MPP7: variants seen among roughly 807,000 people sequenced by gnomAD.
The protein encoded by MPP7 is MAGUK p55 scaffold protein 7.
A neutral mutation model predicts 76.5 loss-of-function variants in MPP7; 60 were observed. The ratio of observed to expected loss-of-function variants is 0.78; its 90% confidence interval spans 0.64 to 0.97. The LOEUF (loss-of-function observed/expected upper bound fraction) is 0.97, where lower values mean the gene tolerates loss of function less well. Among genes scored for constraint, MPP7 ranks in the 50% least tolerant of loss-of-function variants. MPP7 has a pLI of 0.00. For synonymous variants in MPP7, 237 were observed against 244.5 expected (o/e 0.97, Z 0.29); for missense variants, 641 against 694.0 (o/e 0.92, Z 0.86).
intron 1 of MPP7, among the ~76,000 whole-genome samples, chr10:28,264,366 G>C (rs1178024600): frequency 1.3e-5 from 2 of 152,056 alleles, no homozygotes; most frequent in African/African-American, 4.8e-5. Context: ...ATCAGAGCCA[G>C]GAATGACTGG....
intron 1 of MPP7, among the ~76,000 whole-genome samples, chr10:28,284,864 T>C (rs1840757939): frequency 6.6e-6 from 1 of 152,218 alleles, no homozygotes; most frequent in Non-Finnish European, 1.5e-5. Flanking sequence ...GAATACATCA[T>C]TCTAAAGACA....
At chr10:28,174,251 C>T (rs1400409267) in intron 3 of MPP7, among the ~76,000 whole-genome samples, 2 of 151,692 alleles carry the variant, frequency 1.3e-5, no homozygotes, top group African/African-American at 4.9e-5. Context: ...ATATGGGGAG[C>T]CTTTTGGCCC....
At chr10:28,211,444 CATAT>C (rs59909463) in intron 2 of MPP7, among the ~76,000 whole-genome samples, 67,868 of 149,650 alleles carry the variant, frequency 0.45, 16,925 homozygotes, top group East Asian at 0.97. Context: ...TATTTTTTGC[CATAT>C]ATATATATAT....
At chr10:28,253,994 T>C (rs117107193) in intron 1 of MPP7, among the ~76,000 whole-genome samples, 7,808 of 88,062 alleles carry the variant, frequency 0.089, 225 homozygotes, top group Non-Finnish European at 0.1. Flanking sequence ...AGAGTCTGTC[T>C]CACAAAAAAG....
At chr10:28,206,609 T>C (rs1444420097) in intron 2 of MPP7, among the ~76,000 whole-genome samples, 2 of 152,152 alleles carry the variant, frequency 1.3e-5, no homozygotes, top group Non-Finnish European at 2.9e-5. Flanking sequence ...ATGAAATTGT[T>C]TTATTTAAAT....
intron 2 of MPP7, among the ~76,000 whole-genome samples, chr10:28,231,201 G>A (rs1356459802): frequency 1.3e-5 from 2 of 151,028 alleles, no homozygotes; most frequent in African/African-American, 2.4e-5. Flanking sequence ...AAACTCTTAT[G>A]TGAATATTTT....
At chr10:28,142,877 C>T (rs535447100) in intron 5 of MPP7, among the ~76,000 whole-genome samples, 56 of 152,260 alleles carry the variant, frequency 3.7e-4, no homozygotes, top group Non-Finnish European at 6.3e-4. Context: ...AAACAATGAT[C>T]AAAACTGTAA....
intron 12 of MPP7, among the ~76,000 whole-genome samples, chr10:28,080,968 T>C (rs981268886): frequency 1.3e-5 from 2 of 152,334 alleles, no homozygotes; most frequent in African/African-American, 4.8e-5. Context: ...CTCTGCTTTA[T>C]GTGGGAGGCT....
At chr10:28,174,144 T>C (rs1240714640) in intron 3 of MPP7, among the ~76,000 whole-genome samples, 1 of 152,142 alleles carries the variant, frequency 6.6e-6, no homozygotes, top group Non-Finnish European at 1.5e-5. Context: ...TACCAAGGGC[T>C]AGCAAGAATG....
rs543131061 is a variant in MPP7, at chr10:28,319,276, T to C, written c.-132+10653A>G. ...AGCAAGGGGAAAATCCACCCCATGA[T>C]CCAATCACCTCCCACCAGGTTCCTC... On this transcript the variant is annotated intron_variant, in intron 2 of 11. Coordinates refer to the MPP7 transcript ENST00000441595. 3.3e-5 allele frequency among the ~76,000 whole-genome samples: 5 copies of C among 152,304 alleles called. No individual in the cohort carries two copies. The East Asian group carries it at 9.6e-4, about 29-fold the overall frequency.
intron 3 of MPP7, among the ~76,000 whole-genome samples, chr10:28,160,439 T>C (rs1256990132): frequency 6.6e-6 from 1 of 152,182 alleles, no homozygotes; most frequent in East Asian, 1.9e-4. Flanking sequence ...TTGGTTTGTG[T>C]GACAGCATGA....
At chr10:28,103,353 C>T (rs916244598) in intron 11 of MPP7, among the ~76,000 whole-genome samples, 1 of 151,440 alleles carries the variant, frequency 6.6e-6, no homozygotes, top group Non-Finnish European at 1.5e-5. Flanking sequence ...CACATGGATC[C>T]TGTCTTGGGG....
At chr10:28,111,456 AT>A (rs929492492) in intron 11 of MPP7, among the ~76,000 whole-genome samples, 6 of 152,228 alleles carry the variant, frequency 3.9e-5, no homozygotes, top group African/African-American at 1.2e-4. Flanking sequence ...AACCTTCAGC[AT>A]TTTTTTCAAA....
chr10:28,293,097 A>C (rs1372479576), intron 1 of MPP7, among the ~76,000 whole-genome samples: 1 of 152,146 alleles, frequency 6.6e-6, no homozygotes. Context: ...CCGTTTAATG[A>C]AAGATTTCAA....
chr10:28,119,788 T>C, intron 10 of MPP7, 73 bp from the exon 11 acceptor site: 1 of 1,217,046 alleles, frequency 8.2e-7, no homozygotes, highest in Non-Finnish European at 1.2e-6. Flanking sequence ...TCAAAATATT[T>C]AGTCTTAAGA....
At position 28,053,184 on chromosome 10, in the gene MPP7, T is replaced by C. The variant is rs1851422419; in HGVS notation, c.*881A>G. Reference sequence around the variant, plus strand: ...AGTAATATGTAAAACAGGTTTTACATGTTTTAGAATAGAAATCCTTCTTCT... The same window carrying C: ...AGTAATATGTAAAACAGGTTTTACACGTTTTAGAATAGAAATCCTTCTTCT... On this transcript the variant is annotated 3_prime_UTR_variant, in exon 17 of 17. Transcript: ENST00000683449. 1 of 152,212 alleles carries C rather than the reference T, an allele frequency of 6.6e-6. No homozygotes were observed. Among genetic ancestry groups the C allele is most frequent in the South Asian group, 2.1e-4 (1 of 4,828 alleles). 9.4% of individuals were successfully genotyped at this position (152,212 alleles called of 1,614,324 possible).
chr10:28,182,829 C>A lies in MPP7; in HGVS notation c.156+19324G>T, dbSNP rs553623954. ...GCAGTGGCTCACGCCTGTAATCCCACCACTTTGGGAGGCCAAGGCGGGTGG... is the reference window on the plus strand; with the variant it reads ...GCAGTGGCTCACGCCTGTAATCCCAACACTTTGGGAGGCCAAGGCGGGTGG... On this transcript the variant is annotated intron_variant, in intron 3 of 16. Coordinates refer to ENST00000683449, the MANE Select transcript of MPP7 (RefSeq NM_001318170.2). 2.6e-5 allele frequency among the ~76,000 whole-genome samples: 4 copies of A among 152,276 alleles called. No individual in the cohort carries two copies. In the East Asian group the frequency reaches 7.7e-4, roughly 29 times the overall value.
chr10:28,137,004 C>T (rs1414561080), intron 5 of MPP7, among the ~76,000 whole-genome samples: 2 of 152,038 alleles, frequency 1.3e-5, no homozygotes, highest in Non-Finnish European at 2.9e-5. Context: ...TCAAGAAGCT[C>T]AATGTACCCA....
At chr10:28,275,315 C>T (rs1056576470) in intron 1 of MPP7, among the ~76,000 whole-genome samples, 4 of 152,160 alleles carry the variant, frequency 2.6e-5, no homozygotes, top group Non-Finnish European at 5.9e-5. Context: ...CACCTAGATG[C>T]CCAAGGCAGA....
Sources: gnomAD v4.1 joint callset for allele counts (sites outside exome capture counted in the v4.1 genomes callset) on GRCh38, gnomAD v4.1.1 for gene constraint, MANE v1.5 for transcripts, NCBI Gene and HGNC (gene_info 2026-07-23, HGNC 2026-07-21) for gene names.